NELL2: variants seen among roughly 807,000 people sequenced by gnomAD.
The protein encoded by NELL2 is neural EGFL like 2.
NELL2 carries 41 observed loss-of-function variants against 109.6 expected under a neutral mutation model. That is an observed-to-expected ratio of 0.37 (90% CI 0.29 to 0.49). NELL2 has a LOEUF of 0.49. Ranked by LOEUF, NELL2 falls within the 20% of genes least tolerant of loss-of-function variation. The pLI, the probability that NELL2 is intolerant of heterozygous loss-of-function variation, is 0.98. For synonymous variants in NELL2, 355 were observed against 344.7 expected (o/e 1.03, Z -0.33); for missense variants, 900 against 1,008.3 (o/e 0.89, Z 1.45).
At chr12:44,598,673 A>T (rs1195106718) in intron 15 of NELL2, among the ~76,000 whole-genome samples, 12 of 152,176 alleles carry the variant, frequency 7.9e-5, no homozygotes, top group Admixed American at 7.2e-4. Flanking sequence ...TATTAAACTT[A>T]TAACTGACCT....
rs139294444 is a variant in NELL2, at chr12:44,909,141, T to C, written c.38+4658A>G. ...AATAGGAAAAAAAGAAATTCAACTA[T>C]GTCTCTTTACTGATGATATGATTCT... On this transcript the variant is annotated intron_variant, in intron 1 of 20. Coordinates refer to the NELL2 transcript ENST00000333837. Among the ~76,000 whole-genome samples the C allele has an allele frequency of 1.7e-3, 260 of 152,076 alleles. 1 individual carries two copies. Among genetic ancestry groups the C allele is most frequent in the African/African-American group, 5.8e-3 (240 of 41,554 alleles).
chr12:44,855,621 C>T (rs115613971), intron 2 of NELL2, among the ~76,000 whole-genome samples: 2,268 of 152,220 alleles, frequency 0.015, 52 homozygotes, highest in African/African-American at 0.051. Context: ...GGAGAAGTAC[C>T]ATAGCATAAA....
At chr12:44,789,958 T>C (rs577072257) in intron 3 of NELL2, among the ~76,000 whole-genome samples, 2 of 152,114 alleles carry the variant, frequency 1.3e-5, no homozygotes, top group African/African-American at 4.8e-5. Context: ...GAACAAAGCC[T>C]CCAAGAAGTC....
At chr12:44,799,110 C>T (rs1195679207) in intron 3 of NELL2, among the ~76,000 whole-genome samples, 6 of 151,794 alleles carry the variant, frequency 4.0e-5, no homozygotes, top group Non-Finnish European at 1.5e-5. Context: ...AGATGCGTGC[C>T]ACCATGCCTG....
intron 9 of NELL2, among the ~76,000 whole-genome samples, chr12:44,748,843 A>G (rs1359564957): frequency 6.6e-6 from 1 of 152,192 alleles, no homozygotes; most frequent in Non-Finnish European, 1.5e-5. Context: ...CCAAAGAGGG[A>G]CTGTTAATGA....
At chr12:44,727,045 C>A (rs1333253257) in intron 9 of NELL2, among the ~76,000 whole-genome samples, 2 of 152,012 alleles carry the variant, frequency 1.3e-5, no homozygotes, top group African/African-American at 4.8e-5. Flanking sequence ...AGCAGTAGAT[C>A]TAGAGTGAGA....
chr12:44,770,288 A>C (rs1941496609), intron 9 of NELL2, among the ~76,000 whole-genome samples: 1 of 152,168 alleles, frequency 6.6e-6, no homozygotes, highest in Non-Finnish European at 1.5e-5. Flanking sequence ...TGTTCTAAGC[A>C]CTTTACATTT....
chr12:44,765,802 AC>A (rs1213791696), intron 9 of NELL2, among the ~76,000 whole-genome samples: 1 of 152,138 alleles, frequency 6.6e-6, no homozygotes, highest in East Asian at 1.9e-4. Flanking sequence ...CTTAAACTGT[AC>A]TCCATCTCAA....
rs762734056 is a variant in NELL2, at chr12:44,669,076, C to T, written c.1319-3467G>A. On this transcript the variant is annotated intron_variant, in intron 12 of 19. Coordinates refer to ENST00000429094, the MANE Select transcript of NELL2 (RefSeq NM_001145108.2). ...GATTCCCATTCCCAGCAAAGCATCACCAAAGCCTCCACTAACAATCACAGC... is the reference window on the plus strand; with the variant it reads ...GATTCCCATTCCCAGCAAAGCATCATCAAAGCCTCCACTAACAATCACAGC... Among the ~76,000 whole-genome samples the T allele has an allele frequency of 9.5e-4, 145 of 152,170 alleles. 3 individuals carry two copies. The highest frequency in any genetic ancestry group is 9.2e-4 in the Admixed American group (14 of 15,284).
Position 44,711,412 on chromosome 12 carries a change from A to C in NELL2, c.1087-18T>G. ...GTCTGGTCCTGTTAGACAACAGAAA[A>C]GAAGTGCTTCAAATTTTATCATTAG... is the stretch of plus-strand genomic sequence containing the variant. On this transcript the variant is annotated intron_variant, in intron 10 of 19. Transcript: ENST00000429094. 6.3e-7 allele frequency: 1 copy of C among 1,590,228 alleles called. No individual in the cohort carries two copies. The highest frequency in any genetic ancestry group is 1.7e-5 in the Admixed American group (1 of 59,624).
intron 12 of NELL2, among the ~76,000 whole-genome samples, chr12:44,674,398 A>G (rs1242983352): frequency 1.3e-5 from 2 of 152,210 alleles, no homozygotes; most frequent in Non-Finnish European, 2.9e-5. Flanking sequence ...AGAGATATCC[A>G]GGGAAAATAT....
At chr12:44,898,805 A>C (rs111479423) in intron 1 of NELL2, among the ~76,000 whole-genome samples, 44,901 of 152,014 alleles carry the variant, frequency 0.3, 6,988 homozygotes, top group East Asian at 0.44. Context: ...ATAACAAACT[A>C]CTCCGAGCTA....
intron 9 of NELL2, among the ~76,000 whole-genome samples, chr12:44,760,117 T>G (rs1941059704): frequency 6.6e-6 from 1 of 152,180 alleles, no homozygotes; most frequent in Non-Finnish European, 1.5e-5. Context: ...TCATATACAG[T>G]GGATTTCATT....
At chr12:44,849,013 T>C (rs970360788) in intron 2 of NELL2, among the ~76,000 whole-genome samples, 1 of 152,194 alleles carries the variant, frequency 6.6e-6, no homozygotes, top group Non-Finnish European at 1.5e-5. Flanking sequence ...AGCAAAACGA[T>C]GTTGTGACAG....
At chr12:44,904,880 T>C (rs1945702589) in intron 1 of NELL2, among the ~76,000 whole-genome samples, 1 of 152,086 alleles carries the variant, frequency 6.6e-6, no homozygotes, top group African/African-American at 2.4e-5. Context: ...TCATTACATT[T>C]TGAAAAAAAA....
chr12:44,644,595 T>TATATATACATAC (rs1946996791), intron 13 of NELL2, among the ~76,000 whole-genome samples: 1 of 97,458 alleles, frequency 1.0e-5, no homozygotes, highest in African/African-American at 4.7e-5. Context: ...TATATATATA[T>TATATATACATAC]ATATATATGT....
intron 2 of NELL2, among the ~76,000 whole-genome samples, chr12:44,855,010 T>C (rs1184554970): frequency 6.6e-6 from 1 of 152,228 alleles, no homozygotes; most frequent in Admixed American, 6.5e-5. Flanking sequence ...ATTTGAATAA[T>C]ATATTTCTTT....
intron 9 of NELL2, among the ~76,000 whole-genome samples, chr12:44,754,716 C>T (rs951683358): frequency 6.6e-6 from 1 of 152,158 alleles, no homozygotes; most frequent in Non-Finnish European, 1.5e-5. Flanking sequence ...CCCTGAGTAA[C>T]TATTTGAACC....
chr12:44,696,480 T>G (rs551749505), intron 12 of NELL2, among the ~76,000 whole-genome samples: 1 of 152,324 alleles, frequency 6.6e-6, no homozygotes, highest in African/African-American at 2.4e-5. Context: ...AAACTTCTAA[T>G]AGTTGAGGTC....
Sources: gnomAD v4.1 joint callset for allele counts (sites outside exome capture counted in the v4.1 genomes callset) on GRCh38, gnomAD v4.1.1 for gene constraint, MANE v1.5 for transcripts, NCBI Gene and HGNC (gene_info 2026-07-23, HGNC 2026-07-21) for gene names.